The following DTNB variants were observed in gnomAD, a reference collection of about 807,000 sequenced individuals.
The protein encoded by DTNB is DTN-B.
DTNB carries 63 observed loss-of-function variants against 90.7 expected under a neutral mutation model. That is an observed-to-expected ratio of 0.69 (90% CI 0.57 to 0.86). DTNB has a LOEUF of 0.86. Among genes scored for constraint, DTNB ranks in the 40% least tolerant of loss-of-function variants. The probability of loss-of-function intolerance (pLI) is 0.00; values close to 1 mark genes in which losing one functional copy is unlikely to be tolerated. For missense variants in DTNB, 744 were observed against 807.1 expected, an observed-to-expected ratio of 0.92 and a Z score of 0.95; for synonymous variants, 277 against 286.7, an observed-to-expected ratio of 0.97 and a Z score of 0.34.
At chr2:25,415,278 G>A (rs899592525) in intron 16 of DTNB, among the ~76,000 whole-genome samples, 3 of 131,682 alleles carry the variant, frequency 2.3e-5, no homozygotes, top group Non-Finnish European at 4.6e-5. Flanking sequence ...ACAGAGTCTC[G>A]CTCCGTTGCT....
intron 16 of DTNB, among the ~76,000 whole-genome samples, chr2:25,412,601 T>C (rs2046886601): frequency 6.6e-6 from 1 of 152,218 alleles, no homozygotes; most frequent in South Asian, 2.1e-4. Context: ...ATAAAGTCTT[T>C]TTAAGTCTTT....
At chr2:25,534,425 T>C (rs1222136526) in intron 8 of DTNB, among the ~76,000 whole-genome samples, 1 of 152,102 alleles carries the variant, frequency 6.6e-6, no homozygotes, top group East Asian at 1.9e-4. Context: ...ACAGTAACAA[T>C]CTGATTTCTG....
Position 25,462,141 on chromosome 2 carries a change from G to C in DTNB, c.1080-6647C>G, listed in dbSNP as rs191583496. Reference sequence around the variant, plus strand: ...ATCGGGGAACGCAGCCTGGGAATCTGCATTTAGAACAAGTTTGCAGGTGCG... The same window carrying C: ...ATCGGGGAACGCAGCCTGGGAATCTCCATTTAGAACAAGTTTGCAGGTGCG... On this transcript the variant is annotated intron_variant, in intron 10 of 20. Coordinates refer to ENST00000406818, the MANE Select transcript of DTNB (RefSeq NM_021907.5). 2.2e-3 allele frequency among the ~76,000 whole-genome samples: 339 copies of C among 152,304 alleles called. 3 individuals are homozygous for C. Among genetic ancestry groups the C allele is most frequent in the Non-Finnish European group, 3.8e-3 (259 of 68,026 alleles).
At chr2:25,459,540 C>G (rs1022083032) in intron 10 of DTNB, among the ~76,000 whole-genome samples, 5 of 152,198 alleles carry the variant, frequency 3.3e-5, no homozygotes, top group Non-Finnish European at 5.9e-5. Flanking sequence ...GTTGCCCAGG[C>G]TGGAGCGCAG....
intron 8 of DTNB, among the ~76,000 whole-genome samples, chr2:25,560,991 C>T (rs2058175290): frequency 6.6e-6 from 1 of 152,156 alleles, no homozygotes; most frequent in South Asian, 2.1e-4. Context: ...TTCTAGTCAC[C>T]TCCTACCTAC....
chr2:25,598,348 T>A (rs2148428117), intron 5 of DTNB, among the ~76,000 whole-genome samples: 1 of 152,288 alleles, frequency 6.6e-6, no homozygotes, highest in African/African-American at 2.4e-5. Context: ...CAGATGAACA[T>A]GAAGTTACCA....
chr2:25,653,180 T>G (rs2081298767), intron 1 of DTNB: 1 of 152,482 alleles, frequency 6.6e-6, no homozygotes, highest in Non-Finnish European at 1.5e-5. Context: ...TCAACTTGAA[T>G]TGTATCTCCC....
chr2:25,468,042 T>C (rs1240398007), intron 10 of DTNB, among the ~76,000 whole-genome samples: 2 of 152,152 alleles, frequency 1.3e-5, no homozygotes, highest in Admixed American at 6.5e-5. Flanking sequence ...AGGTCAGTTA[T>C]ATACCTGTGC....
At chr2:25,429,308 T>C (rs752463457) in intron 14 of DTNB, among the ~76,000 whole-genome samples, 40 of 152,210 alleles carry the variant, frequency 2.6e-4, no homozygotes, top group African/African-American at 7.5e-4. Context: ...TAGAAATGTT[T>C]TGATTATGTG....
chr2:25,520,277 C>A (rs1575336666), intron 9 of DTNB, among the ~76,000 whole-genome samples: 1 of 152,140 alleles, frequency 6.6e-6, no homozygotes, highest in Non-Finnish European at 1.5e-5. Context: ...GTGACTGAGG[C>A]AGGAGAACTG....
At chr2:25,485,981 G>C (rs2066025607) in intron 9 of DTNB, among the ~76,000 whole-genome samples, 1 of 152,008 alleles carries the variant, frequency 6.6e-6, no homozygotes, top group Non-Finnish European at 1.5e-5. Context: ...AATTAGCTGG[G>C]TGTGGTGGCG....
chr2:25,653,478 G>GCTTT (rs1201675268), intron 1 of DTNB, among the ~76,000 whole-genome samples: 2,686 of 116,070 alleles, frequency 0.023, 63 homozygotes, highest in East Asian at 0.039. Flanking sequence ...TTCAGAGCTT[G>GCTTT]CTTTCTTTCT....
chr2:25,650,614 G>T (rs148053382), intron 2 of DTNB, among the ~76,000 whole-genome samples: 1 of 152,320 alleles, frequency 6.6e-6, no homozygotes, highest in African/African-American at 2.4e-5. Flanking sequence ...TAGGAGTGGG[G>T]TCTTTCCCAT....
chr2:25,391,053 C>T (rs1487491754), intron 16 of DTNB, among the ~76,000 whole-genome samples: 2 of 152,040 alleles, frequency 1.3e-5, no homozygotes. Flanking sequence ...CCCGTCACCA[C>T]TCCCGGCTAA....
In DTNB at chr2:25,660,018, T is replaced by TA. The variant is rs999281263; in HGVS notation, c.-1-7358dup. On this transcript the variant is annotated intron_variant, in intron 1 of 20. Transcript: ENST00000406818. ...AAAACTTACTACAAAACCACAGTAA[T>TA]AAAAAAAACAGTGTAGTACTGGCAC... is the stretch of plus-strand genomic sequence containing the variant. 1.1e-4 allele frequency among the ~76,000 whole-genome samples: 17 copies of TA among 151,734 alleles called. No individual in the cohort carries two copies. The South Asian group carries it at 1.7e-3, about 15-fold the overall frequency.
intron 20 of DTNB, among the ~76,000 whole-genome samples, chr2:25,377,960 G>A (rs2036337031): frequency 6.6e-6 from 1 of 152,232 alleles, no homozygotes; most frequent in Admixed American, 6.5e-5. Flanking sequence ...ACTCTCGGCT[G>A]TTGGTGTTTC....
chr2:25,388,617 G>A (rs749125981), intron 16 of DTNB: 1 of 468,826 alleles, frequency 2.1e-6, no homozygotes, highest in Non-Finnish European at 3.7e-6. Flanking sequence ...GAAAGAAGAG[G>A]CTGGCACAGA....
intron 10 of DTNB, among the ~76,000 whole-genome samples, chr2:25,473,539 G>A (rs755679323): frequency 6.6e-6 from 1 of 152,206 alleles, no homozygotes; most frequent in African/African-American, 2.4e-5. Context: ...TAGTAAGAGA[G>A]GAAGAGAGTA....
At chr2:25,572,585 T>A in intron 8 of DTNB, among the ~76,000 whole-genome samples, 2 of 151,758 alleles carry the variant, frequency 1.3e-5, no homozygotes, top group African/African-American at 4.8e-5. Context: ...GGCTCTGGCA[T>A]ACCCTCCAGA....
Sources: gnomAD v4.1 joint callset for allele counts (sites outside exome capture counted in the v4.1 genomes callset) on GRCh38, gnomAD v4.1.1 for gene constraint, MANE v1.5 for transcripts, NCBI Gene and HGNC (gene_info 2026-07-23, HGNC 2026-07-21) for gene names.